Variants in PLEKHM3 observed in about 807,000 individuals in gnomAD.
The protein encoded by PLEKHM3 is pleckstrin homology domain containing M3.
A neutral mutation model predicts 81.8 loss-of-function variants in PLEKHM3; 45 were observed. That is an observed-to-expected ratio of 0.55 (90% CI 0.43 to 0.71). PLEKHM3 has a LOEUF of 0.71. PLEKHM3 is among the 30% of genes least tolerant of loss of function. PLEKHM3 has a pLI of 0.00. For missense variants in PLEKHM3, 788 were observed against 924.3 expected, an observed-to-expected ratio of 0.85 and a Z score of 1.91; for synonymous variants, 352 against 356.4, an observed-to-expected ratio of 0.99 and a Z score of 0.14.
At chr2:207,941,590 G>T (rs1689940720) in intron 4 of PLEKHM3, among the ~76,000 whole-genome samples, 1 of 152,104 alleles carries the variant, frequency 6.6e-6, no homozygotes, top group Admixed American at 6.6e-5. Context: ...GACCTCAAAA[G>T]CACAGGCAAC....
At position 207,945,009 on chromosome 2, in the gene PLEKHM3, C is replaced by A. The variant is rs181301168; in HGVS notation, c.1692+1358G>T. On this transcript the variant is annotated intron_variant, in intron 4 of 7. Transcript: ENST00000427836. Reference sequence around the variant, plus strand: ...ATTCTTGTTTCTTGTTTCTCTCTCTCTATTCTATGTTGAACCCACTTCAAT... The same window carrying A: ...ATTCTTGTTTCTTGTTTCTCTCTCTATATTCTATGTTGAACCCACTTCAAT... 5.0e-3 allele frequency among the ~76,000 whole-genome samples: 767 copies of A among 152,312 alleles called. 2 individuals carry two copies. The highest frequency in any genetic ancestry group is 6.1e-3 in the Non-Finnish European group (418 of 68,016).
chr2:207,937,570 T>TAA (rs771283946), intron 4 of PLEKHM3, among the ~76,000 whole-genome samples: 8 of 128,122 alleles, frequency 6.2e-5, no homozygotes, highest in Admixed American at 8.1e-5. Flanking sequence ...ACACTGTCTC[T>TAA]AAAAAAAAAA....
In PLEKHM3 at chr2:207,977,227, A is replaced by T. The variant is rs74742009; in HGVS notation, c.970T>A (p.Ser324Thr). 3.5e-3 allele frequency: 5,605 copies of T among 1,614,086 alleles called. 140 individuals are homozygous for T. The African/African-American group carries it at 0.063, about 18-fold the overall frequency. Residue 324 changes from serine (S) to threonine (T), a missense_variant, in exon 3 of 8, where the codon TCA becomes ACA. Physicochemically the swap from Ser to Thr is moderately conservative, Grantham distance 58. Coordinates refer to ENST00000427836, the MANE Select transcript of PLEKHM3 (RefSeq NM_001080475.3). Reference protein sequence around the residue: ...YMGRQNELTISPGLGHHDDYT... With the variant: ...YMGRQNELTITPGLGHHDDYT... ...TCATCATGATGGCCAAGCCCTGGTG[A>T]GATTGTCAGCTCATTCTGCCGCCCC... is the stretch of plus-strand genomic sequence containing the variant.
intron 7 of PLEKHM3, among the ~76,000 whole-genome samples, chr2:207,844,310 T>C (rs1028412016): frequency 1.3e-5 from 2 of 149,766 alleles, no homozygotes; most frequent in African/African-American, 4.9e-5. Context: ...TTTCTTTTTT[T>C]TTTTTTTTTT....
At position 207,842,993 on chromosome 2, in the gene PLEKHM3, C is replaced by T. The variant is rs146272228; in HGVS notation, c.2109-14497G>A. Among the ~76,000 whole-genome samples the T allele has an allele frequency of 2.9e-3, 438 of 152,300 alleles. 3 individuals carry two copies. The highest frequency in any genetic ancestry group is 0.01 in the African/African-American group (417 of 41,558). The stretch of plus-strand genomic sequence containing the variant: ...ACAGGGTCTCATTCCATCACCCAGG[C>T]TGGAGTGCAGTGGTGTGATCACGGC... On this transcript the variant is annotated intron_variant, in intron 7 of 7. Coordinates refer to ENST00000427836, the MANE Select transcript of PLEKHM3 (RefSeq NM_001080475.3).
chr2:207,952,219 C>T (rs1172511520), intron 3 of PLEKHM3, among the ~76,000 whole-genome samples: 2 of 152,288 alleles, frequency 1.3e-5, no homozygotes, highest in South Asian at 2.1e-4. Flanking sequence ...AAATATCTGG[C>T]GAGTTTCACA....
intron 7 of PLEKHM3, among the ~76,000 whole-genome samples, chr2:207,848,563 G>A (rs2092396706): frequency 6.6e-6 from 1 of 152,194 alleles, no homozygotes; most frequent in Non-Finnish European, 1.5e-5. Context: ...ATGGGAAGAA[G>A]TAGTTCCACA....
At position 207,827,974 on chromosome 2, in the gene PLEKHM3, T is replaced by C. The variant is rs990777694; in HGVS notation, c.*345A>G. The C allele has an allele frequency of 8.8e-5, 14 of 159,688 alleles. No homozygotes were observed. The highest frequency in any genetic ancestry group is 1.6e-4 in the Non-Finnish European group (12 of 73,480). 9.9% of individuals were successfully genotyped at this position (159,688 alleles called of 1,614,324 possible). ...TCCTTTTGTGTCTTGGGTAATAAAA[T>C]GTACCGAGAGACAGAGAGAAAAAAA... On this transcript the variant is annotated 3_prime_UTR_variant, in exon 8 of 8. Coordinates refer to ENST00000427836, the MANE Select transcript of PLEKHM3 (RefSeq NM_001080475.3).
intron 4 of PLEKHM3, among the ~76,000 whole-genome samples, chr2:207,931,402 T>C (rs983987087): frequency 6.6e-6 from 1 of 152,250 alleles, no homozygotes; most frequent in Non-Finnish European, 1.5e-5. Flanking sequence ...GCCGTTATAC[T>C]GACTTATTAT....
chr2:208,014,741 C>A (rs1692822300), intron 1 of PLEKHM3, among the ~76,000 whole-genome samples: 1 of 152,214 alleles, frequency 6.6e-6, no homozygotes, highest in Non-Finnish European at 1.5e-5. Flanking sequence ...GGACTATTAC[C>A]ATTAGCATGG....
intron 6 of PLEKHM3, chr2:207,901,081 C>T (rs937643453): frequency 1.5e-5 from 9 of 595,044 alleles, no homozygotes; most frequent in Non-Finnish European, 2.1e-5. Context: ...ACCTGAGGGG[C>T]TCGAGTTGGC....
At chr2:208,023,142 A>G (rs1438793587) in intron 1 of PLEKHM3, among the ~76,000 whole-genome samples, 1 of 151,904 alleles carries the variant, frequency 6.6e-6, no homozygotes. Context: ...GAAATTTACC[A>G]TATTAACCTT....
chr2:207,988,959 CCT>C (rs1691811595), intron 2 of PLEKHM3, among the ~76,000 whole-genome samples: 1 of 152,146 alleles, frequency 6.6e-6, no homozygotes, highest in Non-Finnish European at 1.5e-5. Context: ...ACCTTATTTG[CCT>C]CTCTCAATTT....
rs557351399 is a variant in PLEKHM3 at position 207,869,715 on chromosome 2, T to C, written c.1951-8453A>G. The C allele has an allele frequency of 5.9e-5, 9 of 152,320 alleles. No individual in the cohort carries two copies. The East Asian group carries it at 1.7e-3, about 29-fold the overall frequency. 9.4% of individuals were successfully genotyped at this position (152,320 alleles called of 1,614,324 possible). ...TTTGCAGTCTGTCTATAAATTCTTT[T>C]CACCATCATTTTAGGTACTTCTAGA... On this transcript the variant is annotated intron_variant, in intron 6 of 7. Coordinates refer to ENST00000427836, the MANE Select transcript of PLEKHM3 (RefSeq NM_001080475.3).
intron 3 of PLEKHM3, among the ~76,000 whole-genome samples, chr2:207,970,188 G>A (rs1274681100): frequency 2.0e-5 from 3 of 151,050 alleles, no homozygotes; most frequent in African/African-American, 7.4e-5. Flanking sequence ...AAAAATGCAG[G>A]GAGGAAAATA....
At chr2:208,009,441 T>C (rs1023698239) in intron 1 of PLEKHM3, among the ~76,000 whole-genome samples, 2 of 152,232 alleles carry the variant, frequency 1.3e-5, no homozygotes, top group Admixed American at 1.3e-4. Flanking sequence ...ACATATACTA[T>C]ATGCTGCATG....
intron 7 of PLEKHM3, among the ~76,000 whole-genome samples, chr2:207,828,811 A>C (rs558559100): frequency 1.3e-5 from 2 of 152,288 alleles, no homozygotes; most frequent in South Asian, 4.1e-4. Flanking sequence ...TGAGAAGGGA[A>C]TTGGCAGTGA....
At chr2:207,981,955 C>A (rs907039701) in intron 2 of PLEKHM3, among the ~76,000 whole-genome samples, 1 of 152,100 alleles carries the variant, frequency 6.6e-6, no homozygotes, top group Non-Finnish European at 1.5e-5. Context: ...CAGTGCAGGT[C>A]CACTTATACC....
chr2:207,860,304 TA>T (rs1467168182), intron 7 of PLEKHM3, among the ~76,000 whole-genome samples: 1 of 151,914 alleles, frequency 6.6e-6, no homozygotes, highest in African/African-American at 2.4e-5. Flanking sequence ...TAGGAGAGGC[TA>T]AAAGGGCTGA....
Sources: allele counts gnomAD v4.1 joint callset (sites outside exome capture counted in the v4.1 genomes callset), GRCh38; gene constraint gnomAD v4.1.1; transcripts MANE v1.5; gene names NCBI Gene and HGNC (gene_info 2026-07-23, HGNC 2026-07-21).